DLGAP2: variants seen among roughly 807,000 people sequenced by gnomAD.
DLGAP2 encodes the protein DLG associated protein 2.
In DLGAP2, 26 loss-of-function variants were observed where a neutral mutation model predicts 100.3. That is an observed-to-expected ratio of 0.26 (90% confidence interval 0.19 to 0.36). The LOEUF is 0.36. Ranked by LOEUF, DLGAP2 falls within the 10% of genes least tolerant of loss-of-function variation. DLGAP2 has a pLI of 1.00. For synonymous variants in DLGAP2, 886 were observed against 630.1 expected (o/e 1.41, Z -6.08); for missense variants, 1,858 against 1,453.2 (o/e 1.28, Z -4.53).
At chr8:855,320 T>G (rs1306618492) in intron 1 of DLGAP2, among the ~76,000 whole-genome samples, 1 of 148,666 alleles carries the variant, frequency 6.7e-6, no homozygotes, top group African/African-American at 2.4e-5. Context: ...ATTCATGTGC[T>G]CCCAGCGGGT....
chr8:1,280,770 T>G (rs1232301353), intron 3 of DLGAP2, among the ~76,000 whole-genome samples: 1 of 152,140 alleles, frequency 6.6e-6, no homozygotes, highest in Non-Finnish European at 1.5e-5. Context: ...GGGGGTCAGG[T>G]TGCCATGCAA....
At chr8:962,049 A>G (rs568681416) in intron 2 of DLGAP2, among the ~76,000 whole-genome samples, 1 of 152,242 alleles carries the variant, frequency 6.6e-6, no homozygotes, top group African/African-American at 2.4e-5. Context: ...ATTTAAGTGT[A>G]ATCATTAATG....
intron 3 of DLGAP2, among the ~76,000 whole-genome samples, chr8:1,424,871 G>A (rs11986953): frequency 0.023 from 3,579 of 152,314 alleles, 66 homozygotes; most frequent in Middle Eastern, 0.051. Context: ...GCCAGCAGCT[G>A]GGGAGGGAGA....
At chr8:1,424,648 C>A (rs751451190) in intron 3 of DLGAP2, among the ~76,000 whole-genome samples, 7 of 151,912 alleles carry the variant, frequency 4.6e-5, no homozygotes, top group African/African-American at 9.7e-5. Flanking sequence ...CCGGATAGGA[C>A]AAGGATGGTG....
At chr8:1,469,924 G>GC (rs1798731902) in intron 3 of DLGAP2, among the ~76,000 whole-genome samples, 1 of 151,930 alleles carries the variant, frequency 6.6e-6, no homozygotes, top group Non-Finnish European at 1.5e-5. Context: ...GGGAGGCTGA[G>GC]GCAGGAGGAT....
intron 3 of DLGAP2, among the ~76,000 whole-genome samples, chr8:1,420,160 T>C (rs893680567): frequency 4.6e-5 from 7 of 152,160 alleles, no homozygotes; most frequent in Non-Finnish European, 1.0e-4. Flanking sequence ...ATCACAAGGC[T>C]AGTTCCCTGA....
intron 3 of DLGAP2, among the ~76,000 whole-genome samples, chr8:1,314,712 C>G (rs987302867): frequency 6.6e-6 from 1 of 152,216 alleles, no homozygotes; most frequent in African/African-American, 2.4e-5. Flanking sequence ...CCCTATCCGC[C>G]TCCTGCTCCG....
intron 1 of DLGAP2, among the ~76,000 whole-genome samples, chr8:893,770 C>G (rs1307053448): frequency 1.3e-5 from 2 of 152,246 alleles, no homozygotes; most frequent in Non-Finnish European, 2.9e-5. Context: ...CAGGTGCTGT[C>G]CTAGGCTCTG....
At chr8:1,503,479 C>G (rs1001356038) in intron 4 of DLGAP2, among the ~76,000 whole-genome samples, 2 of 152,158 alleles carry the variant, frequency 1.3e-5, no homozygotes, top group Non-Finnish European at 2.9e-5. Context: ...CTGAGCCACA[C>G]TGCACTTTGT....
intron 2 of DLGAP2, among the ~76,000 whole-genome samples, chr8:994,877 T>G (rs1800743361): frequency 6.6e-6 from 1 of 152,186 alleles, no homozygotes; most frequent in Non-Finnish European, 1.5e-5. Context: ...TACACTTGAG[T>G]GCATTTTGCT....
chr8:987,285 A>C (rs1800515796), intron 2 of DLGAP2, among the ~76,000 whole-genome samples: 1 of 152,110 alleles, frequency 6.6e-6, no homozygotes, highest in Non-Finnish European at 1.5e-5. Context: ...TGGTGAGCTC[A>C]GCTGCAGGTT....
At chr8:1,535,100 G>A (rs780215632) in intron 4 of DLGAP2, among the ~76,000 whole-genome samples, 34 of 152,318 alleles carry the variant, frequency 2.2e-4, no homozygotes, top group Middle Eastern at 3.4e-3. Flanking sequence ...GTGGAGCCAC[G>A]GGAGGAATCG....
At position 1,701,708 on chromosome 8, in the gene DLGAP2, G is replaced by C. The variant is rs1585079583; in HGVS notation, c.*302G>C. 1 of 418,642 alleles carries C rather than the reference G, an allele frequency of 2.4e-6. No individual in the cohort carries two copies. Among genetic ancestry groups the C allele is most frequent in the East Asian group, 3.7e-5 (1 of 26,894 alleles). 25.9% of individuals were successfully genotyped at this position (418,642 alleles called of 1,614,324 possible). ...CCTGCGTGTTCTCAGAGGACGGCGA[G>C]AAATGCCTCTGGAGCTGGAACCCAG... On this transcript the variant is annotated 3_prime_UTR_variant, in exon 15 of 15. Coordinates refer to ENST00000637795, the MANE Select transcript of DLGAP2 (RefSeq NM_001346810.2).
At chr8:1,271,042 T>C (rs548253406) in intron 3 of DLGAP2, among the ~76,000 whole-genome samples, 13 of 152,326 alleles carry the variant, frequency 8.5e-5, no homozygotes, top group Admixed American at 4.6e-4. Context: ...TTTCCTAATA[T>C]TGCAATTCTC....
At chr8:1,180,097 A>C (rs1797347090) in intron 2 of DLGAP2, among the ~76,000 whole-genome samples, 1 of 152,384 alleles carries the variant, frequency 6.6e-6, no homozygotes, top group South Asian at 2.1e-4. Context: ...CATAACATTC[A>C]ATAAATAAGT....
At chr8:921,440 A>C (rs1798712014) in intron 2 of DLGAP2, among the ~76,000 whole-genome samples, 1 of 150,630 alleles carries the variant, frequency 6.6e-6, no homozygotes, top group Admixed American at 6.6e-5. Flanking sequence ...CACAGACCCG[A>C]CCTCCCTATT....
intron 3 of DLGAP2, among the ~76,000 whole-genome samples, chr8:1,422,725 C>T (rs571099768): frequency 4.0e-5 from 6 of 151,566 alleles, no homozygotes; most frequent in Admixed American, 1.3e-4. Flanking sequence ...GGGAACTCAA[C>T]ATGCTGAGAC....
intron 2 of DLGAP2, among the ~76,000 whole-genome samples, chr8:993,504 G>C (rs539340264): frequency 0.073 from 3,703 of 50,912 alleles, 1,164 homozygotes; most frequent in South Asian, 0.11. Context: ...TGGACCCCCT[G>C]CACCCCCATA....
intron 3 of DLGAP2, among the ~76,000 whole-genome samples, chr8:1,467,070 G>T (rs949366755): frequency 6.6e-6 from 1 of 152,110 alleles, no homozygotes; most frequent in Non-Finnish European, 1.5e-5. Context: ...CGGATGCCCG[G>T]CCCCGGGACC....
Sources: allele counts gnomAD v4.1 joint callset (sites outside exome capture counted in the v4.1 genomes callset), GRCh38; gene constraint gnomAD v4.1.1; transcripts MANE v1.5; gene names NCBI Gene and HGNC (gene_info 2026-07-23, HGNC 2026-07-21).